The following THSD4 variants were observed in gnomAD, a reference collection of about 807,000 sequenced individuals.
THSD4 encodes thrombospondin type 1 domain containing 4.
Under a neutral mutation model 119.0 loss-of-function variants are expected in THSD4, and 69 were observed. That is an observed-to-expected ratio of 0.58 (90% CI 0.48 to 0.71). THSD4 has a LOEUF of 0.71. Among genes scored for constraint, THSD4 ranks in the 30% least tolerant of loss-of-function variants. The probability of loss-of-function intolerance (pLI) is 0.00; values close to 1 mark genes in which losing one functional copy is unlikely to be tolerated. For synonymous variants in THSD4, 524 were observed against 540.4 expected (o/e 0.97, Z 0.42); for missense variants, 1,393 against 1,391.1 (o/e 1.00, Z -0.02).
intron 4 of THSD4, among the ~76,000 whole-genome samples, chr15:71,229,327 A>G (rs2044042953): frequency 6.6e-6 from 1 of 152,226 alleles, no homozygotes. Flanking sequence ...TACAGAATGT[A>G]TTATTTAAAT....
intron 4 of THSD4, 42 bp from the exon 5 acceptor site, chr15:71,242,607 A>G (rs763574252): frequency 3.3e-5 from 52 of 1,586,570 alleles, no homozygotes; most frequent in Non-Finnish European, 4.5e-5. Flanking sequence ...CATGAAATTC[A>G]TCCGACTCTG....
chr15:71,779,890 C>A lies in THSD4; in HGVS notation c.*2516C>A, dbSNP rs1304778113. 1 of 150,818 alleles carries A rather than the reference C, an allele frequency of 6.6e-6. No homozygotes were observed. Among genetic ancestry groups the A allele is most frequent in the Non-Finnish European group, 1.5e-5 (1 of 67,826 alleles). The allele number at this position is 150,818 out of a possible 1,614,324, so 9.3% of individuals were successfully genotyped here. ...CCATTGAGCTGTTCTTGGAGTTCAT[C>A]TCTGGAGAGGTTATACATTATTAGA... On this transcript the variant is annotated 3_prime_UTR_variant, in exon 18 of 18. Transcript: ENST00000261862.
intron 7 of THSD4, among the ~76,000 whole-genome samples, chr15:71,545,389 T>C (rs564605588): frequency 7.9e-5 from 12 of 152,294 alleles, no homozygotes; most frequent in African/African-American, 2.6e-4. Flanking sequence ...TGGCCGCCTG[T>C]CTGTTTTTAC....
chr15:71,250,716 A>G (rs573599714), intron 5 of THSD4, among the ~76,000 whole-genome samples: 26 of 152,330 alleles, frequency 1.7e-4, no homozygotes, highest in East Asian at 9.6e-4. Context: ...AGAGATATGT[A>G]AATAATATAA....
intron 7 of THSD4, among the ~76,000 whole-genome samples, chr15:71,479,804 T>C (rs555893511): frequency 6.6e-6 from 1 of 152,334 alleles, no homozygotes; most frequent in South Asian, 2.1e-4. Context: ...ATAACTTTAT[T>C]ATTTTCATTT....
intron 8 of THSD4, among the ~76,000 whole-genome samples, chr15:71,675,641 T>C (rs1391982455): frequency 6.6e-6 from 1 of 152,186 alleles, no homozygotes; most frequent in Non-Finnish European, 1.5e-5. Context: ...ACTAGATGCT[T>C]GGAATCCTGG....
At chr15:71,672,218 A>G (rs1388947264) in intron 8 of THSD4, among the ~76,000 whole-genome samples, 1 of 152,064 alleles carries the variant, frequency 6.6e-6, no homozygotes, top group Non-Finnish European at 1.5e-5. Context: ...TGTAAGTTGG[A>G]TTCCTAGGTA....
chr15:71,595,013 T>G (rs953287763), intron 7 of THSD4, among the ~76,000 whole-genome samples: 2 of 152,100 alleles, frequency 1.3e-5, no homozygotes, highest in Non-Finnish European at 2.9e-5. Flanking sequence ...TGGTGGGAAC[T>G]AAGTGGTGAT....
intron 8 of THSD4, among the ~76,000 whole-genome samples, chr15:71,710,056 T>A (rs2052477713): frequency 6.6e-6 from 1 of 152,216 alleles, no homozygotes. Context: ...GCCTTCCGCA[T>A]AGAGGTAGAC....
chr15:71,765,039 G>A lies in THSD4; in HGVS notation c.2609G>A (p.Ser870Asn), dbSNP rs1437386362. The A allele has an allele frequency of 6.2e-7, 1 of 1,614,058 alleles. No individual in the cohort carries two copies. The highest frequency in any genetic ancestry group is 1.1e-5 in the South Asian group (1 of 91,062). Residue 870 changes from serine to asparagine, a missense_variant, in exon 16 of 18, where the codon AGC (serine) becomes AAC (asparagine). Transcript: ENST00000261862. Reference protein sequence around the residue: ...SWSQCSIECGSGTQQREVICV... With the variant: ...SWSQCSIECGNGTQQREVICV... ...CTGCAGTGTTCCATCGAGTGTGGGA[G>A]CGGGACGCAACAGAGGGAGGTGATT...
intron 7 of THSD4, among the ~76,000 whole-genome samples, chr15:71,451,942 C>T (rs897065643): frequency 7.2e-5 from 11 of 152,196 alleles, no homozygotes; most frequent in African/African-American, 2.4e-4. Context: ...TGCATCTGCT[C>T]CAGTCACAGG....
intron 3 of THSD4, among the ~76,000 whole-genome samples, chr15:71,174,395 G>A (rs2043420823): frequency 6.7e-6 from 1 of 149,858 alleles, no homozygotes; most frequent in African/African-American, 2.4e-5. Flanking sequence ...TGGAAAATCG[G>A]GTCACTCCCA....
chr15:71,713,553 A>C (rs2052554215), intron 8 of THSD4, among the ~76,000 whole-genome samples: 1 of 152,222 alleles, frequency 6.6e-6, no homozygotes, highest in South Asian at 2.1e-4. Flanking sequence ...GCTTGAAAAT[A>C]GATTTATATA....
At chr15:71,161,176 T>C (rs973923419) in intron 3 of THSD4, among the ~76,000 whole-genome samples, 1 of 152,112 alleles carries the variant, frequency 6.6e-6, no homozygotes, top group African/African-American at 2.4e-5. Context: ...ACGTGTGATC[T>C]AACCTGGGGA....
chr15:71,439,080 G>A lies in THSD4; in HGVS notation c.1152+27257G>A, dbSNP rs566404163. On this transcript the variant is annotated intron_variant, in intron 7 of 17. Transcript: ENST00000261862. The stretch of plus-strand genomic sequence containing the variant: ...AGAACTGGAAAATTTATTGAAAAAT[G>A]CAGAATATGCTTTTGGCAGCTGTTT... 2.8e-4 allele frequency among the ~76,000 whole-genome samples: 43 copies of A among 152,270 alleles called. No homozygotes were observed. In the South Asian group the frequency reaches 7.9e-3, roughly 28 times the overall value.
At chr15:71,466,620 C>T (rs2047503900) in intron 7 of THSD4, among the ~76,000 whole-genome samples, 1 of 152,172 alleles carries the variant, frequency 6.6e-6, no homozygotes, top group Non-Finnish European at 1.5e-5. Context: ...CTTTCCATCC[C>T]TTGGTAGAAG....
chr15:71,515,468 T>C (rs927678716), intron 7 of THSD4, among the ~76,000 whole-genome samples: 18 of 152,196 alleles, frequency 1.2e-4, no homozygotes, highest in African/African-American at 4.3e-4. Flanking sequence ...CGTCCTTGTC[T>C]GTAGTTGTGT....
chr15:71,672,367 CAGCTTAAG>C (rs2051549921), intron 8 of THSD4, among the ~76,000 whole-genome samples: 1 of 152,182 alleles, frequency 6.6e-6, no homozygotes, highest in African/African-American at 2.4e-5. Context: ...AGTTGTTTAT[CAGCTTAAG>C]GAGATTTGGG....
chr15:71,371,651 G>C (rs546875126), intron 6 of THSD4, among the ~76,000 whole-genome samples: 1 of 152,348 alleles, frequency 6.6e-6, no homozygotes, highest in East Asian at 1.9e-4. Flanking sequence ...GAGATCCACT[G>C]TTAGTCTGAT....
Sources: allele counts gnomAD v4.1 joint callset (sites outside exome capture counted in the v4.1 genomes callset), GRCh38; gene constraint gnomAD v4.1.1; transcripts MANE v1.5; gene names NCBI Gene and HGNC (gene_info 2026-07-23, HGNC 2026-07-21).